Variants in TEX9 observed in about 807,000 individuals in gnomAD.
The protein encoded by TEX9 is testis-expressed protein 9.
TEX9 carries 74 observed loss-of-function variants against 59.6 expected under a neutral mutation model. The ratio of observed to expected loss-of-function variants is 1.24; its 90% CI spans 1.03 to 1.51. The LOEUF is 1.51. Ranked by LOEUF, TEX9 falls within the 40% of genes most tolerant of loss-of-function variation. The probability of loss-of-function intolerance (pLI) is 0.00; values close to 1 mark genes in which losing one functional copy is unlikely to be tolerated. For missense variants in TEX9, 522 were observed against 447.8 expected (o/e 1.17, Z -1.49); for synonymous variants, 186 against 152.2 (o/e 1.22, Z -1.64).
chr15:56,313,580 T>C (rs1459050846), intron 1 of TEX9, among the ~76,000 whole-genome samples: 1 of 134,594 alleles, frequency 7.4e-6, no homozygotes, highest in Non-Finnish European at 1.6e-5. Context: ...TTTGCATCAA[T>C]GTTCATCAAG....
chr15:56,429,677 A>G (rs3817406), intron 12 of TEX9: 53,227 of 152,154 alleles, frequency 0.35, 10,682 homozygotes, highest in Non-Finnish European at 0.45. Flanking sequence ...ACCCTTTGGA[A>G]TTCTTCACTG....
chr15:56,327,469 C>T (rs1426827532), intron 1 of TEX9, among the ~76,000 whole-genome samples: 1 of 152,198 alleles, frequency 6.6e-6, no homozygotes, highest in Admixed American at 6.5e-5. Flanking sequence ...AGCCTCCACT[C>T]ATTGTGCCTC....
intron 1 of TEX9, among the ~76,000 whole-genome samples, chr15:56,325,674 T>G (rs895549243): frequency 6.6e-6 from 1 of 152,180 alleles, no homozygotes; most frequent in Non-Finnish European, 1.5e-5. Flanking sequence ...CATAATTAAT[T>G]TTTCTATTTG....
intron 3 of TEX9, among the ~76,000 whole-genome samples, chr15:56,378,033 G>A (rs1324297274): frequency 1.3e-5 from 2 of 152,134 alleles, no homozygotes; most frequent in East Asian, 1.9e-4. Flanking sequence ...ATTGATTTGT[G>A]TATGTTGAAC....
intron 1 of TEX9, among the ~76,000 whole-genome samples, chr15:56,265,000 T>C (rs748929074): frequency 1.3e-5 from 2 of 152,218 alleles, no homozygotes; most frequent in Non-Finnish European, 2.9e-5. Flanking sequence ...TCTTGGTTAC[T>C]TGATTATAGT....
chr15:56,391,284 T>TGAAG lies in TEX9; in HGVS notation c.437_438insGAAG (p.Ala147LysfsTer17). 1 of 1,582,638 alleles carries TGAAG rather than the reference T, an allele frequency of 6.3e-7. No individual in the cohort carries two copies. The highest frequency in any genetic ancestry group is 8.6e-7 in the Non-Finnish European group (1 of 1,169,066). On this transcript the variant is annotated frameshift_variant, in exon 7 of 13. Coordinates refer to ENST00000352903, the Ensembl canonical transcript of TEX9. LOFTEE classifies it high-confidence loss of function. ...TCTGATGTCCAAACTGCCGACGATG[T>TGAAG]TGCCATTCCAGAGGATTTCTCAGAC...
chr15:56,406,654 G>A (rs1294046592), intron 9 of TEX9, among the ~76,000 whole-genome samples: 5 of 152,134 alleles, frequency 3.3e-5, no homozygotes, highest in Admixed American at 1.3e-4. Context: ...AGGAGAAGTA[G>A]TAGTATCTCA....
chr15:56,325,391 A>G (rs2046000429), intron 1 of TEX9, among the ~76,000 whole-genome samples: 1 of 152,166 alleles, frequency 6.6e-6, no homozygotes, highest in Non-Finnish European at 1.5e-5. Context: ...AAAGTCTGGT[A>G]TGACTTACAG....
At chr15:56,384,992 T>C (rs1280358821) in intron 4 of TEX9, among the ~76,000 whole-genome samples, 3 of 152,184 alleles carry the variant, frequency 2.0e-5, no homozygotes, top group African/African-American at 7.2e-5. Flanking sequence ...TTTTAACTCT[T>C]AGATTCAGGT....
At chr15:56,299,428 C>T (rs1044555207) in intron 1 of TEX9, among the ~76,000 whole-genome samples, 10 of 152,134 alleles carry the variant, frequency 6.6e-5, no homozygotes, top group Non-Finnish European at 1.3e-4. Flanking sequence ...CACTCAGGGT[C>T]CCTAAATAAC....
At chr15:56,383,908 GT>G (rs148989392) in intron 3 of TEX9, 43 bp from the exon 4 acceptor site, 6 of 1,445,700 alleles carry the variant, frequency 4.2e-6, no homozygotes, top group Middle Eastern at 1.8e-4. Flanking sequence ...TAATGGTTTG[GT>G]TTTTTTTCTA....
chr15:56,405,614 T>C (rs1166753321), intron 9 of TEX9, among the ~76,000 whole-genome samples: 2 of 152,182 alleles, frequency 1.3e-5, no homozygotes, highest in East Asian at 3.9e-4. Flanking sequence ...ATCTGAACTT[T>C]CCAGCTTGCA....
chr15:56,244,040 G>T (rs1596036538), exon 1 of TEX9: 1 of 151,132 alleles, frequency 6.6e-6, no homozygotes, highest in African/African-American at 2.4e-5. Context: ...GGGGCCGGGA[G>T]GAGTCCGGCC....
intron 1 of TEX9, among the ~76,000 whole-genome samples, chr15:56,245,335 G>A (rs1029775864): frequency 1.3e-5 from 2 of 152,178 alleles, no homozygotes; most frequent in Non-Finnish European, 2.9e-5. Flanking sequence ...AAGAACACCT[G>A]TGTGCAAAAT....
intron 1 of TEX9, among the ~76,000 whole-genome samples, chr15:56,335,190 A>G (rs1181010230): frequency 2.0e-5 from 3 of 152,180 alleles, no homozygotes; most frequent in Non-Finnish European, 2.9e-5. Flanking sequence ...TTGAACAGGT[A>G]TCTACACTCT....
intron 9 of TEX9, among the ~76,000 whole-genome samples, chr15:56,398,562 G>A (rs2048596234): frequency 6.6e-6 from 1 of 152,090 alleles, no homozygotes; most frequent in East Asian, 1.9e-4. Context: ...TGAAACCTTG[G>A]TTATATATTT....
At chr15:56,336,640 A>G (rs1354961128) in intron 1 of TEX9, among the ~76,000 whole-genome samples, 3 of 152,180 alleles carry the variant, frequency 2.0e-5, no homozygotes, top group Admixed American at 6.5e-5. Flanking sequence ...AGGAGATTTA[A>G]TGGGGAGTAG....
intron 1 of TEX9, among the ~76,000 whole-genome samples, chr15:56,350,045 C>T (rs573898361): frequency 7.2e-5 from 11 of 152,098 alleles, no homozygotes; most frequent in South Asian, 6.2e-4. Flanking sequence ...TCATAGGTCC[C>T]GGTGTCATGT....
At chr15:56,387,091 A>G (rs746702301) in intron 4 of TEX9, among the ~76,000 whole-genome samples, 7 of 151,900 alleles carry the variant, frequency 4.6e-5, no homozygotes, top group Non-Finnish European at 7.4e-5. Flanking sequence ...TGCTTGAAGC[A>G]TGGTTTACCA....
Sources: allele counts gnomAD v4.1 joint callset (sites outside exome capture counted in the v4.1 genomes callset), GRCh38; gene constraint gnomAD v4.1.1; transcripts MANE v1.5; gene names NCBI Gene and HGNC (gene_info 2026-07-23, HGNC 2026-07-21).